Variants in STK10 observed in about 807,000 individuals in gnomAD.
STK10 encodes serine/threonine-protein kinase 10.
In STK10, 78 loss-of-function variants were observed where a neutral mutation model predicts 113.8. The observed-to-expected ratio is 0.69, with a 90% CI of 0.57 to 0.83. The LOEUF is 0.83. Ranked by LOEUF, STK10 falls within the 40% of genes least tolerant of loss-of-function variation. The pLI is 0.00. For synonymous variants in STK10, 465 were observed against 494.7 expected, an observed-to-expected ratio of 0.94 and a Z score of 0.80; for missense variants, 1,109 against 1,280.1, an observed-to-expected ratio of 0.87 and a Z score of 2.04.
At chr5:172,046,411 C>G (rs1767496751) in intron 18 of STK10, among the ~76,000 whole-genome samples, 1 of 151,910 alleles carries the variant, frequency 6.6e-6, no homozygotes, top group African/African-American at 2.4e-5. Context: ...ACATACCATG[C>G]CTGTAAGCCA....
chr5:172,058,369 A>G (rs1767851776), intron 14 of STK10, among the ~76,000 whole-genome samples: 3 of 152,206 alleles, frequency 2.0e-5, no homozygotes, highest in African/African-American at 7.2e-5. Context: ...CAGAATATTG[A>G]AAACTCAAGA....
intron 12 of STK10, among the ~76,000 whole-genome samples, chr5:172,077,696 C>T (rs1768341694): frequency 6.6e-6 from 1 of 151,968 alleles, no homozygotes; most frequent in African/African-American, 2.4e-5. Context: ...AAATATCCCA[C>T]ACCAATTGCT....
intron 18 of STK10, among the ~76,000 whole-genome samples, chr5:172,047,729 G>C (rs531218630): frequency 6.6e-6 from 1 of 152,128 alleles, no homozygotes; most frequent in Admixed American, 6.6e-5. Flanking sequence ...CAGGACTTCA[G>C]GACCCGTGGG....
chr5:172,049,358 G>T (rs984474811), intron 18 of STK10, among the ~76,000 whole-genome samples: 1 of 152,258 alleles, frequency 6.6e-6, no homozygotes, highest in East Asian at 1.9e-4. Context: ...CAGCCTCCGT[G>T]GGGGAGGCCT....
intron 18 of STK10, among the ~76,000 whole-genome samples, chr5:172,049,031 T>C (rs1767567344): frequency 6.6e-6 from 1 of 152,042 alleles, no homozygotes; most frequent in Non-Finnish European, 1.5e-5. Context: ...TCAGATGTCA[T>C]CTTCTTAGAC....
At chr5:172,135,806 C>CACCTGAGGTCAGGCATTCAAG (rs1362080368) in intron 2 of STK10, among the ~76,000 whole-genome samples, 7 of 152,194 alleles carry the variant, frequency 4.6e-5, no homozygotes, top group African/African-American at 1.4e-4. Flanking sequence ...TGGGGTGGAT[C>CACCTGAGGTCAGGCATTCAAG]ACCTGAGGTC....
intron 4 of STK10, among the ~76,000 whole-genome samples, chr5:172,113,306 A>T (rs2113772890): frequency 6.6e-6 from 1 of 152,160 alleles, no homozygotes; most frequent in South Asian, 2.1e-4. Flanking sequence ...CACACCCAGC[A>T]CTCTGCTTCT....
In STK10 at chr5:172,061,129, A is replaced by G. The variant is rs779882910; in HGVS notation, c.2212+10T>C. 1.2e-6 allele frequency: 2 copies of G among 1,603,308 alleles called. No homozygotes were observed. The highest frequency in any genetic ancestry group is 4.5e-5 in the East Asian group (2 of 44,586). On this transcript the variant is annotated intron_variant, in intron 14 of 18. Coordinates refer to ENST00000176763, the MANE Select transcript of STK10 (RefSeq NM_005990.4). ...GGGCCAAGACAGCGCTGCCACTTGC[A>G]CACCCCCACCTCGAAGGAGCTCCTG...
At chr5:172,048,364 T>A (rs940503419) in intron 18 of STK10, among the ~76,000 whole-genome samples, 3 of 149,958 alleles carry the variant, frequency 2.0e-5, no homozygotes, top group Non-Finnish European at 4.4e-5. Flanking sequence ...CCCACAATCG[T>A]GTAAGCCAAT....
chr5:172,048,912 C>T (rs761801381), intron 18 of STK10, among the ~76,000 whole-genome samples: 2 of 152,028 alleles, frequency 1.3e-5, no homozygotes, highest in African/African-American at 2.4e-5. Flanking sequence ...CCTTGTTTCA[C>T]GAGCAAGGTG....
intron 4 of STK10, among the ~76,000 whole-genome samples, chr5:172,116,382 G>A (rs554821742): frequency 1.3e-5 from 2 of 151,842 alleles, no homozygotes; most frequent in African/African-American, 2.4e-5. Context: ...ATGCCTGGCC[G>A]AAAATCATTA....
intron 1 of STK10, among the ~76,000 whole-genome samples, chr5:172,165,041 G>T (rs564548652): frequency 6.6e-6 from 1 of 152,172 alleles, no homozygotes; most frequent in African/African-American, 2.4e-5. Context: ...GGAGGAGGTG[G>T]GGATAACCCT....
intron 2 of STK10, among the ~76,000 whole-genome samples, chr5:172,135,652 G>A (rs1057211027): frequency 6.6e-6 from 1 of 152,174 alleles, no homozygotes; most frequent in South Asian, 2.1e-4. Flanking sequence ...GTTAAACGTA[G>A]CATTACTATT....
intron 7 of STK10, among the ~76,000 whole-genome samples, chr5:172,101,563 A>T (rs61197189): frequency 4.5e-4 from 68 of 152,340 alleles, no homozygotes; most frequent in African/African-American, 1.6e-3. Flanking sequence ...ATCAGCGAAC[A>T]AAACAAAGAC....
intron 2 of STK10, among the ~76,000 whole-genome samples, chr5:172,136,275 C>T (rs1006945703): frequency 9.2e-5 from 14 of 152,148 alleles, no homozygotes; most frequent in Admixed American, 8.5e-4. Flanking sequence ...ATAGATGTAA[C>T]TTCTAAGGAG....
intron 1 of STK10, among the ~76,000 whole-genome samples, chr5:172,176,751 T>A (rs577570655): frequency 1.3e-5 from 2 of 152,238 alleles, no homozygotes; most frequent in Non-Finnish European, 2.9e-5. Context: ...ACTTGGTCCC[T>A]GCTATGGTCC....
At chr5:172,099,613 G>A (rs1768935941) in intron 7 of STK10, among the ~76,000 whole-genome samples, 1 of 152,046 alleles carries the variant, frequency 6.6e-6, no homozygotes, top group South Asian at 2.1e-4. Context: ...CATGCCCCCA[G>A]AGCACAGCTT....
At chr5:172,136,738 G>A (rs1165907276) in intron 2 of STK10, among the ~76,000 whole-genome samples, 1 of 152,100 alleles carries the variant, frequency 6.6e-6, no homozygotes, top group African/African-American at 2.4e-5. Context: ...AAAAATCATG[G>A]AGGAGATGTG....
chr5:172,045,161 C>T (rs1215643034), intron 18 of STK10, 139 bp from the exon 19 acceptor site: 1 of 1,297,872 alleles, frequency 7.7e-7, no homozygotes, highest in Non-Finnish European at 1.0e-6. Flanking sequence ...ACTACGGCTT[C>T]CCTATTTCCT....
Sources: gnomAD v4.1 joint callset for allele counts (sites outside exome capture counted in the v4.1 genomes callset) on GRCh38, gnomAD v4.1.1 for gene constraint, MANE v1.5 for transcripts, NCBI Gene and HGNC (gene_info 2026-07-23, HGNC 2026-07-21) for gene names.